The following DGKG variants were observed in gnomAD, a reference collection of about 807,000 sequenced individuals.
DGKG encodes diacylglycerol kinase gamma.
A neutral mutation model predicts 105.3 loss-of-function variants in DGKG; 78 were observed. The observed-to-expected ratio is 0.74, with a 90% confidence interval of 0.62 to 0.89. The LOEUF (loss-of-function observed/expected upper bound fraction) is 0.89, where lower values mean the gene tolerates loss of function less well. Among genes scored for constraint, DGKG ranks in the 40% least tolerant of loss-of-function variants. The pLI is 0.00. For synonymous variants in DGKG, 346 were observed against 367.1 expected (o/e 0.94, Z 0.66); for missense variants, 958 against 1,020.1 (o/e 0.94, Z 0.83).
At chr3:186,339,824 C>A (rs78000294) in intron 1 of DGKG, among the ~76,000 whole-genome samples, 99 of 152,306 alleles carry the variant, frequency 6.5e-4, no homozygotes, top group African/African-American at 2.3e-3. Context: ...GAGTATCACC[C>A]CAAGCTCCAA....
At chr3:186,192,904 T>C (rs1717975584) in intron 21 of DGKG, among the ~76,000 whole-genome samples, 1 of 152,218 alleles carries the variant, frequency 6.6e-6, no homozygotes, top group Non-Finnish European at 1.5e-5. Flanking sequence ...CCTTGACAAA[T>C]AGTATTCCAC....
chr3:186,161,197 T>C, intron 24 of DGKG: 1 of 1,001,650 alleles, frequency 1.0e-6, no homozygotes, highest in South Asian at 4.2e-5. Flanking sequence ...AGTGTGTAGA[T>C]TTGGCTTCCA....
intron 3 of DGKG, among the ~76,000 whole-genome samples, chr3:186,305,648 A>C (rs116099647): frequency 0.011 from 1,656 of 152,298 alleles, 31 homozygotes; most frequent in African/African-American, 0.037. Flanking sequence ...GAGATGAGTT[A>C]GGAGACTCTT....
intron 13 of DGKG, among the ~76,000 whole-genome samples, chr3:186,265,833 C>T (rs572442272): frequency 6.6e-6 from 1 of 151,646 alleles, no homozygotes; most frequent in African/African-American, 2.4e-5. Context: ...CAGCTAATTG[C>T]TAATTTTCTT....
intron 22 of DGKG, 34 bp from the exon 23 acceptor site, chr3:186,165,052 C>T (rs1455711312): frequency 3.1e-6 from 5 of 1,597,982 alleles, no homozygotes; most frequent in South Asian, 2.3e-5. Flanking sequence ...AGTGCATACA[C>T]ATCTCTGTGT....
intron 13 of DGKG, 94 bp downstream of exon 13, chr3:186,267,591 A>G: frequency 1.1e-6 from 1 of 910,218 alleles, no homozygotes; most frequent in Non-Finnish European, 1.8e-6. Context: ...GTTGTCAGGG[A>G]AGCCCTGGGA....
chr3:186,203,810 T>C lies in DGKG; in HGVS notation c.1917+7985A>G, dbSNP rs1718590327. On this transcript the variant is annotated intron_variant, in intron 21 of 24. Coordinates refer to ENST00000265022, the MANE Select transcript of DGKG (RefSeq NM_001346.3). The surrounding 1 kb of genome is among the most constrained non-coding windows in gnomAD (Gnocchi z 4.9). The stretch of plus-strand genomic sequence containing the variant: ...TTTCCCTTCCCCATGCGTGTTTCCA[T>C]TTCTTCCACTGTGGCGGCATGGACA... Among the ~76,000 whole-genome samples, 2 of 152,262 alleles carry C rather than the reference T, an allele frequency of 1.3e-5. No individual in the cohort carries two copies. The highest frequency in any genetic ancestry group is 4.1e-4 in the South Asian group (2 of 4,834).
At position 186,279,836 on chromosome 3, in the gene DGKG, A is replaced by G; in HGVS notation, c.792+15T>C. ...GAATGGCAAGAGATCTCTGAACTCC[A>G]GCTTGTTGACTTACAGAGTCATCCA... On this transcript the variant is annotated intron_variant, in intron 9 of 24. Transcript: ENST00000265022. 6.2e-7 allele frequency: 1 copy of G among 1,611,614 alleles called. No individual in the cohort carries two copies. Among genetic ancestry groups the G allele is most frequent in the East Asian group, 2.2e-5 (1 of 44,784 alleles).
intron 11 of DGKG, among the ~76,000 whole-genome samples, chr3:186,271,184 T>C (rs1722300765): frequency 1.3e-5 from 2 of 152,174 alleles, no homozygotes. Flanking sequence ...CTAAGTGCCC[T>C]TCCCCTGCTA....
At chr3:186,158,751 T>C in intron 24 of DGKG, 1 of 965,748 alleles carries the variant, frequency 1.0e-6, no homozygotes, top group African/African-American at 1.8e-5. Flanking sequence ...TATATCAACC[T>C]TTTCTCAGAA....
intron 10 of DGKG, among the ~76,000 whole-genome samples, chr3:186,273,664 G>A (rs1259072743): frequency 3.3e-5 from 5 of 152,152 alleles, no homozygotes; most frequent in Middle Eastern, 3.4e-3. Flanking sequence ...GAATCACCGC[G>A]CCAGGCCTGG....
intron 1 of DGKG, among the ~76,000 whole-genome samples, chr3:186,338,239 G>T (rs1220032215): frequency 1.3e-5 from 2 of 151,706 alleles, no homozygotes; most frequent in Non-Finnish European, 2.9e-5. Context: ...CAATTAATGT[G>T]CAAGACCTTC....
At chr3:186,199,285 G>A (rs1397394118) in intron 21 of DGKG, among the ~76,000 whole-genome samples, 1 of 152,026 alleles carries the variant, frequency 6.6e-6, no homozygotes, top group East Asian at 1.9e-4. Context: ...TACACAAACT[G>A]GCCTGGCCTG....
At chr3:186,252,173 C>G (rs987430262) in intron 18 of DGKG, among the ~76,000 whole-genome samples, 3 of 152,338 alleles carry the variant, frequency 2.0e-5, no homozygotes, top group African/African-American at 7.2e-5. Context: ...TGAAGCGAAG[C>G]AAACCCTGGA....
chr3:186,276,268 A>G (rs933512400), intron 9 of DGKG, among the ~76,000 whole-genome samples: 3 of 152,216 alleles, frequency 2.0e-5, no homozygotes, highest in Admixed American at 1.3e-4. Flanking sequence ...ATCTAATGGC[A>G]TGGGAATGTG....
At position 186,261,748 on chromosome 3, in the gene DGKG, G is replaced by T. The variant is rs753336390; in HGVS notation, c.1300C>A (p.Pro434Thr). 3.7e-6 allele frequency: 6 copies of T among 1,608,748 alleles called. No homozygotes were observed. Among genetic ancestry groups the T allele is most frequent in the African/African-American group, 2.7e-5 (2 of 74,928 alleles). Residue 434 changes from proline (P) to threonine (T), a missense_variant, in exon 15 of 25, where the codon CCC (proline) becomes ACC (threonine). By Grantham distance (38) the Pro-to-Thr change is conservative (BLOSUM62 -1). Coordinates refer to ENST00000265022, the MANE Select transcript of DGKG (RefSeq NM_001346.3). ...YKIIPTPGTH[P>T]LLVLVNPKSG... ...TTGGGGTTCACCAAGACCAGCAGGGGGTGGGTACCCGGGGTGGGGATGATC... is the reference window on the plus strand; with the variant it reads ...TTGGGGTTCACCAAGACCAGCAGGGTGTGGGTACCCGGGGTGGGGATGATC...
chr3:186,207,111 G>A (rs539741999), intron 21 of DGKG, among the ~76,000 whole-genome samples: 1 of 152,300 alleles, frequency 6.6e-6, no homozygotes, highest in South Asian at 2.1e-4. Context: ...TCCAGGTACA[G>A]CACTCACGTT....
At chr3:186,199,486 T>C (rs2108509677) in intron 21 of DGKG, among the ~76,000 whole-genome samples, 1 of 152,310 alleles carries the variant, frequency 6.6e-6, no homozygotes, top group Non-Finnish European at 1.5e-5. Context: ...TGTCTAATCT[T>C]CACAACCCTA....
chr3:186,299,880 G>T (rs531946412), intron 3 of DGKG, among the ~76,000 whole-genome samples: 1 of 137,200 alleles, frequency 7.3e-6, no homozygotes, highest in East Asian at 2.2e-4. Context: ...TGTCACCCAG[G>T]CTGGAGTGTA....
Sources: allele counts gnomAD v4.1 joint callset (sites outside exome capture counted in the v4.1 genomes callset), GRCh38; gene constraint gnomAD v4.1.1; non-coding constraint Gnocchi (gnomAD v3.1); transcripts MANE v1.5; gene names NCBI Gene and HGNC (gene_info 2026-07-23, HGNC 2026-07-21).